PDK1: variants seen among roughly 807,000 people sequenced by gnomAD.
PDK1 encodes the protein pyruvate dehydrogenase kinase 1.
In PDK1, 39 loss-of-function variants were observed where a neutral mutation model predicts 54.2. The ratio of observed to expected loss-of-function variants is 0.72; its 90% CI spans 0.56 to 0.94. PDK1 has a LOEUF of 0.94. PDK1 is among the 40% of genes least tolerant of loss of function. PDK1 has a pLI of 0.00. For synonymous variants in PDK1, 221 were observed against 207.1 expected (o/e 1.07, Z -0.58); for missense variants, 552 against 566.0 (o/e 0.98, Z 0.25).
At chr2:172,698,473 A>G in the PDK1 span, among the ~76,000 whole-genome samples, 1 of 152,228 alleles carries the variant, frequency 6.6e-6, no homozygotes, top group Non-Finnish European at 1.5e-5. Context: ...CCTCAGGAAG[A>G]AAGTCCACCT....
chr2:172,723,011 C>G, the PDK1 span, among the ~76,000 whole-genome samples: 1 of 151,800 alleles, frequency 6.6e-6, no homozygotes, highest in African/African-American at 2.4e-5. Flanking sequence ...TGAGCAGTGG[C>G]AAAGCAGATG....
At chr2:172,570,048 A>G (rs1451882234) in intron 7 of PDK1, among the ~76,000 whole-genome samples, 1 of 152,232 alleles carries the variant, frequency 6.6e-6, no homozygotes, top group Non-Finnish European at 1.5e-5. Flanking sequence ...AATCTCCTCC[A>G]TAAGAGGACT....
the PDK1 span, among the ~76,000 whole-genome samples, chr2:172,645,201 C>T: frequency 7.4e-5 from 11 of 147,872 alleles, no homozygotes; most frequent in South Asian, 8.5e-4. Flanking sequence ...ACCAGCACTG[C>T]ACTGATGACA....
At chr2:172,632,912 C>T in the PDK1 span, among the ~76,000 whole-genome samples, 102,733 of 143,828 alleles carry the variant, frequency 0.71, 37,016 homozygotes, top group Non-Finnish European at 0.77. Flanking sequence ...CCTGGGAGGC[C>T]GGAGGTTGCA....
chr2:172,679,911 G>GT, the PDK1 span, among the ~76,000 whole-genome samples: 12 of 152,052 alleles, frequency 7.9e-5, no homozygotes, highest in Non-Finnish European at 1.6e-4. Flanking sequence ...CTAAACTTAG[G>GT]TTTTTTATTT....
the PDK1 span, among the ~76,000 whole-genome samples, chr2:172,621,939 C>T: frequency 1.4e-5 from 2 of 145,160 alleles, no homozygotes; most frequent in African/African-American, 5.1e-5. Flanking sequence ...GTTTATATCT[C>T]ATATATGTGG....
the PDK1 span, among the ~76,000 whole-genome samples, chr2:172,671,279 C>T: frequency 1.9e-3 from 292 of 150,924 alleles, no homozygotes; most frequent in African/African-American, 6.9e-3. Flanking sequence ...CACTAAGACC[C>T]GTAAGATTTT....
upstream of PDK1, chr2:172,555,479 C>T (rs1333412942): frequency 6.6e-6 from 1 of 152,104 alleles, no homozygotes; most frequent in African/African-American, 2.4e-5. Context: ...CTCCCGGGGC[C>T]GCCGTCGCGG....
chr2:172,715,533 G>A, the PDK1 span, among the ~76,000 whole-genome samples: 30 of 152,218 alleles, frequency 2.0e-4, 2 homozygotes, highest in South Asian at 6.2e-3. Context: ...AGCCTGCCTA[G>A]GAGGTTCATC....
chr2:172,592,295 C>A (rs1182364506), intron 9 of PDK1, among the ~76,000 whole-genome samples: 1 of 152,114 alleles, frequency 6.6e-6, no homozygotes, highest in South Asian at 2.1e-4. Flanking sequence ...TTTACTACTT[C>A]TATCTCTCTT....
chr2:172,585,316 A>ATTT (rs538241255), intron 8 of PDK1, among the ~76,000 whole-genome samples: 2,283 of 103,240 alleles, frequency 0.022, 341 homozygotes, highest in African/African-American at 0.096. Context: ...TGCATTTTTA[A>ATTT]TTTTTTTTTT....
intron 2 of PDK1, 80 bp from the exon 3 acceptor site, chr2:172,562,140 A>T (rs1688685491): frequency 1.3e-6 from 1 of 769,742 alleles, no homozygotes; most frequent in African/African-American, 1.8e-5. Context: ...AATGCTAAAA[A>T]TAGCTTTTGA....
the PDK1 span, among the ~76,000 whole-genome samples, chr2:172,690,208 C>G: frequency 6.6e-6 from 1 of 150,480 alleles, no homozygotes; most frequent in Non-Finnish European, 1.5e-5. Flanking sequence ...AAAGACACTT[C>G]TCAAAAGAAG....
At chr2:172,697,989 C>CA in the PDK1 span, among the ~76,000 whole-genome samples, 2 of 152,090 alleles carry the variant, frequency 1.3e-5, no homozygotes, top group African/African-American at 2.4e-5. Flanking sequence ...GAAAATGATC[C>CA]AAATGTCAGC....
At chr2:172,614,582 A>G in the PDK1 span, among the ~76,000 whole-genome samples, 1 of 152,184 alleles carries the variant, frequency 6.6e-6, no homozygotes, top group Non-Finnish European at 1.5e-5. Flanking sequence ...AGACATCTGA[A>G]TGACTTGCCT....
At chr2:172,701,321 A>AAAC in the PDK1 span, among the ~76,000 whole-genome samples, 28,733 of 152,172 alleles carry the variant, frequency 0.19, 3,287 homozygotes, top group African/African-American at 0.32. Flanking sequence ...TTTTGATTAA[A>AAAC]AACAACAATA....
chr2:172,607,554 A>G lies in PDK1; in HGVS notation c.*11585A>G, dbSNP rs1274587170. On this transcript the variant is annotated 3_prime_UTR_variant, in exon 11 of 11. Transcript: ENST00000282077. ...CATTGCTTTAGCAACCACTACGGCT[A>G]CAGGTTGTTGCATCATGCCAAGCTC... 6.6e-6 allele frequency: 1 copy of G among 152,220 alleles called. No homozygotes were observed. The highest frequency in any genetic ancestry group is 1.5e-5 in the Non-Finnish European group (1 of 68,060). The allele number at this position is 152,220 out of a possible 1,614,324, so 9.4% of individuals were successfully genotyped here. A position where few individuals can be genotyped will look rare whatever the true frequency, so the allele number is the denominator to read the frequency against.
chr2:172,562,936 A>G, intron 3 of PDK1: 1 of 729,256 alleles, frequency 1.4e-6, no homozygotes, highest in Non-Finnish European at 2.2e-6. Context: ...AGTTAGTTAC[A>G]CATGTTTTTT....
the PDK1 span, among the ~76,000 whole-genome samples, chr2:172,663,572 C>T: frequency 0.052 from 7,902 of 151,762 alleles, 452 homozygotes; most frequent in African/African-American, 0.14. Flanking sequence ...CAGGCTCAAG[C>T]GATCCTCCTG....
Sources: gnomAD v4.1 joint callset for allele counts (sites outside exome capture counted in the v4.1 genomes callset) on GRCh38, gnomAD v4.1.1 for gene constraint, MANE v1.5 for transcripts, NCBI Gene and HGNC (gene_info 2026-07-23, HGNC 2026-07-21) for gene names.